TOP1MT: variants seen among roughly 807,000 people sequenced by gnomAD.
TOP1MT encodes the protein DNA topoisomerase I mitochondrial.
A neutral mutation model predicts 73.9 loss-of-function variants in TOP1MT; 80 were observed. The observed-to-expected ratio is 1.08, with a 90% confidence interval of 0.90 to 1.30. The LOEUF (loss-of-function observed/expected upper bound fraction) is 1.30, where lower values mean the gene tolerates loss of function less well. Among genes scored for constraint, TOP1MT ranks in the 50% most tolerant of loss-of-function variants. The pLI is 0.00. For synonymous variants in TOP1MT, 338 were observed against 326.4 expected, an observed-to-expected ratio of 1.04 and a Z score of -0.38; for missense variants, 815 against 808.0, an observed-to-expected ratio of 1.01 and a Z score of -0.10.
Position 143,317,795 on chromosome 8 carries a change from G to GC in TOP1MT, c.1257dup (p.Leu420AlafsTer32), listed in dbSNP as rs1404599341. 12 of 1,614,082 alleles carry GC rather than the reference G, an allele frequency of 7.4e-6. No homozygotes were observed. Among genetic ancestry groups the GC allele is most frequent in the Non-Finnish European group, 3.4e-6 (4 of 1,180,040 alleles). ...TAGGTCCGGAACACCTTGGCCGTCAGCCCGTCCATCAGCTCCTGGAGGTGC... is the reference window on the plus strand; with the variant it reads ...TAGGTCCGGAACACCTTGGCCGTCAGCCCCGTCCATCAGCTCCTGGAGGTGC... On this transcript the variant is annotated frameshift_variant, in exon 10 of 14. Coordinates refer to ENST00000329245, the MANE Select transcript of TOP1MT (RefSeq NM_052963.3). LOFTEE classifies it high-confidence loss of function.
intron 8 of TOP1MT, among the ~76,000 whole-genome samples, chr8:143,320,111 G>A (rs377114194): frequency 5.9e-5 from 9 of 151,944 alleles, no homozygotes; most frequent in African/African-American, 9.6e-5. Context: ...GCAACAGTGC[G>A]AGACACCGTC....
At chr8:143,357,023 G>A (rs891884293), upstream of TOP1MT, among the ~76,000 whole-genome samples, 1 of 150,998 alleles carries the variant, frequency 6.6e-6, no homozygotes, top group East Asian at 2.0e-4. Context: ...GAACCCGAGA[G>A]GCAGAGCTTG....
intron 1 of TOP1MT, among the ~76,000 whole-genome samples, chr8:143,353,879 G>A (rs368369895): frequency 5.1e-5 from 7 of 138,380 alleles, no homozygotes; most frequent in Non-Finnish European, 1.1e-4. Flanking sequence ...CAGGAGGATC[G>A]CTTGAATCCA....
At chr8:143,310,367 G>A (rs1485475975) in intron 12 of TOP1MT, 150 bp from the exon 13 acceptor site, 6 of 597,232 alleles carry the variant, frequency 1.0e-5, no homozygotes, top group South Asian at 3.0e-5. Flanking sequence ...AAGACCAGCC[G>A]GGATCAAAGG....
upstream of TOP1MT, among the ~76,000 whole-genome samples, chr8:143,336,578 A>C (rs557122652): frequency 3.3e-5 from 5 of 152,296 alleles, no homozygotes; most frequent in South Asian, 1.0e-3. Context: ...CAGAGGCTCT[A>C]ACTGAGCAAA....
At position 143,319,324 on chromosome 8, in the gene TOP1MT, T is replaced by C. The variant is rs529308478; in HGVS notation, c.1147-1238A>G. 2.2e-4 allele frequency among the ~76,000 whole-genome samples: 34 copies of C among 152,008 alleles called. No individual in the cohort carries two copies. The East Asian group carries it at 6.6e-3, about 30-fold the overall frequency. On this transcript the variant is annotated intron_variant, in intron 8 of 13. Transcript: ENST00000329245. ...TTTTTTAATTTTTAGAGACTAGGTC[T>C]GGCTCTGTCACTTGGGCTGGAGTGC...
intron 8 of TOP1MT, among the ~76,000 whole-genome samples, chr8:143,320,987 G>C (rs1456823484): frequency 3.2e-4 from 49 of 152,170 alleles, no homozygotes; most frequent in Admixed American, 3.2e-3. Context: ...GCCCTTTTCA[G>C]CCCCCGACCA....
intron 3 of TOP1MT, among the ~76,000 whole-genome samples, chr8:143,328,470 C>T (rs756928723): frequency 1.7e-4 from 26 of 152,258 alleles, no homozygotes; most frequent in Non-Finnish European, 3.5e-4. Context: ...ATTAGGGAAA[C>T]GCAAACCACA....
chr8:143,320,820 G>A (rs977753727), intron 8 of TOP1MT, among the ~76,000 whole-genome samples: 12 of 152,166 alleles, frequency 7.9e-5, no homozygotes, highest in Non-Finnish European at 1.6e-4. Context: ...AGTGTGGGCG[G>A]GATGTGGCTC....
intron 8 of TOP1MT, among the ~76,000 whole-genome samples, chr8:143,319,254 C>T (rs1434034009): frequency 6.6e-6 from 1 of 152,100 alleles, no homozygotes; most frequent in Non-Finnish European, 1.5e-5. Flanking sequence ...TTTTCAACGG[C>T]TCCACTCCAT....
chr8:143,311,117 ATTTTT>A (rs769172231), intron 12 of TOP1MT, among the ~76,000 whole-genome samples: 7 of 106,826 alleles, frequency 6.6e-5, no homozygotes, highest in Admixed American at 2.0e-4. Context: ...CACGCACATG[ATTTTT>A]TTTTTTTTTT....
Position 143,329,381 on chromosome 8 carries a change from A to G in TOP1MT, c.329T>C (p.Phe110Ser). Residue 110 changes from phenylalanine (F) to serine (S), a missense_variant, in exon 3 of 14, where the codon TTC becomes TCC. Coordinates refer to ENST00000329245, the MANE Select transcript of TOP1MT (RefSeq NM_052963.3). ...CCAGTCATTGAAGAAGTTCTTCCGG[A>G]AAACCTCCTTTGTTGTGTATTCATG... Reference protein sequence around the residue: ...LDHEYTTKEVFRKNFFNDWRK... With the variant: ...LDHEYTTKEVSRKNFFNDWRK... The G allele has an allele frequency of 2.5e-6, 4 of 1,608,166 alleles. No homozygotes were observed. Among genetic ancestry groups the G allele is most frequent in the Non-Finnish European group, 3.4e-6 (4 of 1,178,452 alleles).
Position 143,325,483 on chromosome 8 carries a change from A to C in TOP1MT, c.534T>G (p.Ile178Met). Residue 178 changes from isoleucine to methionine, a missense_variant, in exon 5 of 14, where the codon ATT (isoleucine) becomes ATG (methionine). Physicochemically the swap from Ile to Met is conservative, Grantham distance 10 (BLOSUM62 1). This residue lies in a region of TOP1MT where 751 missense variants were observed against 725.4 expected (regional missense o/e 1.04). Coordinates refer to ENST00000329245, the MANE Select transcript of TOP1MT (RefSeq NM_052963.3). ...EKLQQEFGYC[I>M]LDGHQEKIGN... ...CTATTTTTTCTTGGTGACCATCTAAAATACAGTAGCCGAACTCTTGCTGAA... is the reference window on the plus strand; with the variant it reads ...CTATTTTTTCTTGGTGACCATCTAACATACAGTAGCCGAACTCTTGCTGAA... The C allele has an allele frequency of 6.2e-7, 1 of 1,612,954 alleles. No homozygotes were observed. The highest frequency in any genetic ancestry group is 8.5e-7 in the Non-Finnish European group (1 of 1,178,996).
rs1563770748 is a variant in TOP1MT, at chr8:143,341,177, G to A, written c.29+2043C>T. Among the ~76,000 whole-genome samples the A allele has an allele frequency of 1.3e-5, 2 of 152,202 alleles. No homozygotes were observed. Among genetic ancestry groups the A allele is most frequent in the East Asian group, 1.9e-4 (1 of 5,176 alleles). ...GCCGCCCCAGTGCATCTCCCCACAC[G>A]TTTGTCCTGAAGCCCTTTCTCCCCT... On this transcript the variant is annotated intron_variant, in intron 2 of 5. Coordinates refer to the TOP1MT transcript ENST00000518007. This position sits in a 1 kb window ranked among gnomAD's most constrained non-coding sequence, Gnocchi z 4.1.
At chr8:143,326,401 G>A (rs947089922) in intron 3 of TOP1MT, 57 bp from the exon 4 acceptor site, 23 of 1,603,344 alleles carry the variant, frequency 1.4e-5, no homozygotes, top group Admixed American at 1.3e-4. Context: ...CATGCAGAGC[G>A]CTCTCGCCAT....
At chr8:143,342,714 TTATTATTATTATTAGAGACAGAGTCTCGC>T (rs1563771902) in intron 2 of TOP1MT, among the ~76,000 whole-genome samples, 4,959 of 99,932 alleles carry the variant, frequency 0.05, 726 homozygotes, top group East Asian at 0.074. Flanking sequence ...AGTCTCGCTG[TTATTATTATTATTAGAGACAGAGTCTCGC>T]TCTGTTATTA....
At chr8:143,348,435 C>A (rs1259135334), upstream of TOP1MT, among the ~76,000 whole-genome samples, 1 of 152,182 alleles carries the variant, frequency 6.6e-6, no homozygotes, top group Admixed American at 6.5e-5. This position sits in a 1 kb window ranked among gnomAD's most constrained non-coding sequence, Gnocchi z 4.6. Context: ...GCCCTTCTGT[C>A]CCACACTCAC....
intron 12 of TOP1MT, among the ~76,000 whole-genome samples, chr8:143,315,291 G>A (rs112796609): frequency 0.2 from 30,796 of 152,158 alleles, 3,934 homozygotes; most frequent in Middle Eastern, 0.34. Flanking sequence ...CTGCCTTCTA[G>A]ATAGCAGTAG....
intron 12 of TOP1MT, chr8:143,310,423 G>A (rs916861047): frequency 6.3e-6 from 3 of 473,846 alleles, no homozygotes; most frequent in Non-Finnish European, 1.1e-5. Context: ...TACAGAGGAG[G>A]GCCGTGGGCG....
Sources: gnomAD v4.1 joint callset for allele counts (sites outside exome capture counted in the v4.1 genomes callset) on GRCh38, gnomAD v4.1.1 for gene constraint, gnomAD v4.1.1 regional missense constraint, Gnocchi (gnomAD v3.1) non-coding constraint, MANE v1.5 for transcripts, NCBI Gene and HGNC (gene_info 2026-07-23, HGNC 2026-07-21) for gene names.